The following C14orf180 variants were observed in gnomAD, a reference collection of about 807,000 sequenced individuals.
C14orf180 encodes nutritionally-regulated adipose and cardiac enriched protein homolog.
A neutral mutation model predicts 13.9 loss-of-function variants in C14orf180; 13 were observed. That is an observed-to-expected ratio of 0.94 (90% CI 0.61 to 1.49). The LOEUF is 1.49. Among genes scored for constraint, C14orf180 ranks in the 40% most tolerant of loss-of-function variants. C14orf180 has a pLI of 0.00. For synonymous variants in C14orf180, 113 were observed against 106.3 expected (o/e 1.06, Z -0.39); for missense variants, 238 against 232.0 (o/e 1.03, Z -0.17).
At chr14:104,586,618 C>T (rs992685646) in intron 2 of C14orf180, 77 bp downstream of exon 2, 17 of 821,854 alleles carry the variant, frequency 2.1e-5, no homozygotes, top group East Asian at 6.8e-5. Flanking sequence ...GAGCAACAGA[C>T]GTGGAAAGGC....
At position 104,589,777 on chromosome 14, in the gene C14orf180, G is replaced by T. The variant is rs141024492; in HGVS notation, c.*994G>T. 6.6e-5 allele frequency: 10 copies of T among 152,326 alleles called. No homozygotes were observed. The East Asian group carries it at 1.5e-3, about 24-fold the overall frequency. The allele number at this position is 152,326 out of a possible 1,614,324, so 9.4% of individuals were successfully genotyped here. The stretch of plus-strand genomic sequence containing the variant: ...GGTGGGCACGGCCGACCATCCACCC[G>T]GTGGTTCCTGTTTGTCCCACCACTT... On this transcript the variant is annotated 3_prime_UTR_variant, in exon 5 of 5. Transcript: ENST00000557649. This position sits in a 1 kb window ranked among gnomAD's most constrained non-coding sequence, Gnocchi z 4.9.
At chr14:104,584,004 CAG>C (rs201245464) in intron 1 of C14orf180, among the ~76,000 whole-genome samples, 1,675 of 152,312 alleles carry the variant, frequency 0.011, 32 homozygotes, top group African/African-American at 0.038. Flanking sequence ...CTTGCACACT[CAG>C]GGGAATACTC....
chr14:104,580,469 G>C (rs1196674507), intron 1 of C14orf180, among the ~76,000 whole-genome samples: 1 of 152,214 alleles, frequency 6.6e-6, no homozygotes, highest in African/African-American at 2.4e-5. Flanking sequence ...TGGGCAGTGG[G>C]AGAAGGGGCT....
rs1450164259 is a variant in C14orf180 at position 104,589,945 on chromosome 14, C to T, written c.*1162C>T. ...GGATGTCCTGGGCGCCTGGAACCTC[C>T]CCATCTCCTGCAGGCCTGGGAGTGG... On this transcript the variant is annotated 3_prime_UTR_variant, in exon 5 of 5. Transcript: ENST00000557649. This position sits in a 1 kb window ranked among gnomAD's most constrained non-coding sequence, Gnocchi z 4.9. 6.6e-6 allele frequency: 1 copy of T among 152,210 alleles called. No homozygotes were observed. Among genetic ancestry groups the T allele is most frequent in the Non-Finnish European group, 1.5e-5 (1 of 68,050 alleles). 9.4% of individuals were successfully genotyped at this position (152,210 alleles called of 1,614,324 possible).
At position 104,586,556 on chromosome 14, in the gene C14orf180, TG is replaced by T; in HGVS notation, c.111+18del. ...GGGCAGAGAGGGTAAGGCGGGCCGC[TG>T]GGACACAGCTTCTGCAAGCTGGCCT... On this transcript the variant is annotated intron_variant, in intron 2 of 4. Coordinates refer to ENST00000557649, the MANE Select transcript of C14orf180 (RefSeq NM_001008404.3). The T allele has an allele frequency of 6.8e-7, 1 of 1,479,628 alleles. No individual in the cohort carries two copies. Among genetic ancestry groups the T allele is most frequent in the Middle Eastern group, 2.4e-4 (1 of 4,236 alleles). The allele number at this position is 1,479,628 out of a possible 1,614,324, so 91.7% of individuals were successfully genotyped here.
At chr14:104,580,663 C>G (rs1474905534) in intron 1 of C14orf180, among the ~76,000 whole-genome samples, 1 of 152,230 alleles carries the variant, frequency 6.6e-6, no homozygotes, top group Admixed American at 6.5e-5. Context: ...AGAACTGGCT[C>G]TTTTCTGAGC....
At position 104,588,863 on chromosome 14, in the gene C14orf180, C is replaced by T. The variant is rs1886744650; in HGVS notation, c.*80C>T. On this transcript the variant is annotated 3_prime_UTR_variant, in exon 5 of 5. Transcript: ENST00000557649. ...GGCTCCGAGACAGCCTGAGCCCTGG[C>T]CCTGCTGCTTGGTGAATCATGGGGG... The T allele has an allele frequency of 2.0e-6, 3 of 1,498,516 alleles. No homozygotes were observed. The highest frequency in any genetic ancestry group is 5.0e-5 in the East Asian group (2 of 40,030). The allele number at this position is 1,498,516 out of a possible 1,614,324, so 92.8% of individuals were successfully genotyped here. A position where few individuals can be genotyped will look rare whatever the true frequency, so the allele number is the denominator to read the frequency against.
intron 1 of C14orf180, among the ~76,000 whole-genome samples, chr14:104,580,466 T>A (rs1050671013): frequency 1.3e-5 from 2 of 152,072 alleles, no homozygotes; most frequent in African/African-American, 4.8e-5. Flanking sequence ...GCCTGGGCAG[T>A]GGGAGAAGGG....
chr14:104,585,654 G>A (rs529909456), intron 1 of C14orf180, among the ~76,000 whole-genome samples: 1 of 152,110 alleles, frequency 6.6e-6, no homozygotes, highest in East Asian at 1.9e-4. Context: ...GAGAGAGGAA[G>A]GGGGACAGAG....
intron 2 of C14orf180, among the ~76,000 whole-genome samples, chr14:104,586,989 ACTCAGCATGGGCAGGC>A (rs1368927551): frequency 6.6e-6 from 1 of 152,154 alleles, no homozygotes; most frequent in Admixed American, 6.5e-5. Flanking sequence ...GCTGGGCCAG[ACTCAGCATGGGCAGGC>A]CTCACGCCCT....
intron 1 of C14orf180, among the ~76,000 whole-genome samples, chr14:104,580,362 G>C (rs1180334870): frequency 6.6e-6 from 1 of 152,220 alleles, no homozygotes; most frequent in Non-Finnish European, 1.5e-5. Context: ...CCGCCTCTGG[G>C]GGAAGCAGGG....
chr14:104,584,494 C>T (rs779820407), intron 1 of C14orf180, among the ~76,000 whole-genome samples: 3 of 152,166 alleles, frequency 2.0e-5, no homozygotes, highest in South Asian at 2.1e-4. Flanking sequence ...AGCCCTGCTA[C>T]GGACAGGCAG....
chr14:104,585,630 TAGAG>T (rs1052557986), intron 1 of C14orf180, among the ~76,000 whole-genome samples: 3 of 149,174 alleles, frequency 2.0e-5, no homozygotes, highest in Non-Finnish European at 4.5e-5. Context: ...GGTAGAGAGA[TAGAG>T]AGAGAATCAG....
At chr14:104,587,701 C>T (rs374207195) in intron 2 of C14orf180, 48 bp from the exon 3 acceptor site, 24 of 1,600,728 alleles carry the variant, frequency 1.5e-5, no homozygotes, top group African/African-American at 1.2e-4. Flanking sequence ...TGGGTACCAG[C>T]GGCCTCCCGC....
At chr14:104,587,969 G>A in intron 3 of C14orf180, 91 bp downstream of exon 3, 5 of 1,464,144 alleles carry the variant, frequency 3.4e-6, no homozygotes, top group Non-Finnish European at 3.7e-6. Context: ...AGCTCTGGCA[G>A]GGCCCAGGAC....
intron 4 of C14orf180, 75 bp downstream of exon 4, chr14:104,588,384 G>A: frequency 1.9e-6 from 3 of 1,598,808 alleles, no homozygotes; most frequent in Non-Finnish European, 1.7e-6. Context: ...CCTCCCCGAG[G>A]GAGGTGTCAC....
chr14:104,584,353 C>T (rs540212579), intron 1 of C14orf180, among the ~76,000 whole-genome samples: 6 of 152,170 alleles, frequency 3.9e-5, no homozygotes, highest in African/African-American at 7.2e-5. Flanking sequence ...TGGGAGAGCC[C>T]GGGCTCTGGG....
At position 104,586,459 on chromosome 14, in the gene C14orf180, C is replaced by G; in HGVS notation, c.29C>G (p.Pro10Arg). Reference sequence around the variant, plus strand: ...AGGACTGCAGCAGGAGCCGTGAGCCCTGACTCCCGGCCAGAGACACGACGT... The same window carrying G: ...AGGACTGCAGCAGGAGCCGTGAGCCGTGACTCCCGGCCAGAGACACGACGT... The part of the protein sequence containing the change: MRTAAGAVS[P>R]DSRPETRRQT... The change falls in exon 2 of 5, where the codon CCT becomes CGT. Residue 10 changes from proline to arginine, a missense_variant. By Grantham distance (103) the Pro-to-Arg change is moderately radical. Coordinates refer to ENST00000557649, the MANE Select transcript of C14orf180 (RefSeq NM_001008404.3). 6.5e-7 allele frequency: 1 copy of G among 1,547,362 alleles called. No homozygotes were observed. The highest frequency in any genetic ancestry group is 8.7e-7 in the Non-Finnish European group (1 of 1,145,340).
chr14:104,588,378 C>A, intron 4 of C14orf180, 69 bp downstream of exon 4: 1 of 1,584,734 alleles, frequency 6.3e-7, no homozygotes, highest in South Asian at 1.1e-5. Context: ...TCACTCCCTC[C>A]CCGAGGGAGG....
Sources: gnomAD v4.1 joint callset for allele counts (sites outside exome capture counted in the v4.1 genomes callset) on GRCh38, gnomAD v4.1.1 for gene constraint, Gnocchi (gnomAD v3.1) non-coding constraint, MANE v1.5 for transcripts, NCBI Gene and HGNC (gene_info 2026-07-23, HGNC 2026-07-21) for gene names.